NBAS: variants seen among roughly 807,000 people sequenced by gnomAD.
NBAS encodes the protein NAG/BC035112 fusion.
Under a neutral mutation model 302.5 loss-of-function variants are expected in NBAS, and 219 were observed. The ratio of observed to expected loss-of-function variants is 0.72; its 90% confidence interval spans 0.65 to 0.81. The LOEUF (loss-of-function observed/expected upper bound fraction) is 0.81. Among genes scored for constraint, NBAS ranks in the 30% least tolerant of loss-of-function variants. The probability of loss-of-function intolerance (pLI) is 0.00; values close to 1 mark genes in which losing one functional copy is unlikely to be tolerated. For synonymous variants in NBAS, 1,118 were observed against 1,021.6 expected (o/e 1.09, Z -1.80); for missense variants, 2,932 against 2,841.6 (o/e 1.03, Z -0.72).
At chr2:15,003,735 A>G in the NBAS span, among the ~76,000 whole-genome samples, 1 of 152,144 alleles carries the variant, frequency 6.6e-6, no homozygotes, top group Non-Finnish European at 1.5e-5. Context: ...AGTCATTACC[A>G]CTTTGTCACT....
intron 28 of NBAS, among the ~76,000 whole-genome samples, chr2:15,393,299 A>G (rs576981696): frequency 2.0e-5 from 3 of 152,234 alleles, no homozygotes; most frequent in East Asian, 1.9e-4. Flanking sequence ...CGCAAAGCAT[A>G]TATCTAATAA....
chr2:15,341,398 A>AAATG (rs1472287922), intron 35 of NBAS, among the ~76,000 whole-genome samples: 3 of 92,580 alleles, frequency 3.2e-5, no homozygotes, highest in African/African-American at 6.2e-5. Context: ...ATAAATAAAT[A>AAATG]AATGAATAAA....
At chr2:15,474,475 C>G in intron 14 of NBAS, 151 bp from the exon 15 acceptor site, 1 of 798,006 alleles carries the variant, frequency 1.3e-6, no homozygotes, top group Non-Finnish European at 1.9e-6. Flanking sequence ...TCAAAGGAAC[C>G]TTACAGCAAG....
At chr2:15,543,670 C>CATCAGATCTCT (rs895651896) in intron 6 of NBAS, among the ~76,000 whole-genome samples, 20 of 152,134 alleles carry the variant, frequency 1.3e-4, no homozygotes, top group African/African-American at 4.8e-4. Flanking sequence ...CCGATAAAAC[C>CATCAGATCTCT]ATCAGATCTC....
intron 51 of NBAS, among the ~76,000 whole-genome samples, chr2:15,174,130 C>T (rs1368853377): frequency 2.0e-5 from 3 of 152,112 alleles, no homozygotes; most frequent in Non-Finnish European, 2.9e-5. Flanking sequence ...CAGGTTAAAA[C>T]GATAGAAATA....
the NBAS span, among the ~76,000 whole-genome samples, chr2:14,816,453 C>T: frequency 6.6e-6 from 1 of 152,212 alleles, no homozygotes; most frequent in East Asian, 1.9e-4. Context: ...TTGTCTTCCA[C>T]AAAACCCGTC....
chr2:15,554,990 G>A (rs754182234), intron 3 of NBAS, among the ~76,000 whole-genome samples: 7 of 151,654 alleles, frequency 4.6e-5, no homozygotes, highest in Admixed American at 1.3e-4. Context: ...ATTAATACCC[G>A]AAGAAATCAA....
chr2:14,940,381 TC>T, the NBAS span, among the ~76,000 whole-genome samples: 1 of 152,100 alleles, frequency 6.6e-6, no homozygotes, highest in Non-Finnish European at 1.5e-5. Context: ...ACATGTCTGT[TC>T]CCCCTTCCCC....
intron 35 of NBAS, among the ~76,000 whole-genome samples, 164 bp downstream of exon 35, chr2:15,351,828 T>TCA (rs965664017): frequency 1.1e-4 from 17 of 151,188 alleles, no homozygotes; most frequent in South Asian, 2.1e-4. Flanking sequence ...ATGTTATATT[T>TCA]CACACACACA....
At chr2:15,283,697 G>A (rs1313806135) in intron 42 of NBAS, among the ~76,000 whole-genome samples, 1 of 151,964 alleles carries the variant, frequency 6.6e-6, no homozygotes, top group South Asian at 2.1e-4. Flanking sequence ...GAGCCACTCA[G>A]TTATACATTT....
the NBAS span, among the ~76,000 whole-genome samples, chr2:15,013,727 T>C: frequency 6.6e-6 from 1 of 152,126 alleles, no homozygotes; most frequent in Non-Finnish European, 1.5e-5. Flanking sequence ...GAGGCTGCAG[T>C]GAGCTGAGAT....
chr2:14,928,124 A>G, the NBAS span, among the ~76,000 whole-genome samples: 2 of 152,216 alleles, frequency 1.3e-5, no homozygotes, highest in African/African-American at 2.4e-5. Flanking sequence ...TCCTAATAAT[A>G]TGATGCTATT....
chr2:15,449,729 T>G (rs560309471), intron 21 of NBAS, among the ~76,000 whole-genome samples: 2 of 152,318 alleles, frequency 1.3e-5, no homozygotes, highest in Non-Finnish European at 2.9e-5. Flanking sequence ...CTGTTAGGCC[T>G]TTCTTAGCTG....
chr2:15,459,864 C>G (rs6431705), intron 21 of NBAS, among the ~76,000 whole-genome samples: 92,801 of 151,966 alleles, frequency 0.61, 29,286 homozygotes, highest in Non-Finnish European at 0.68. Context: ...TATATTCTCG[C>G]TGCTTACTGA....
the NBAS span, among the ~76,000 whole-genome samples, chr2:14,916,901 G>A: frequency 6.6e-6 from 1 of 152,298 alleles, no homozygotes; most frequent in South Asian, 2.1e-4. Flanking sequence ...CATAAGGTGG[G>A]CCAGATTGTA....
chr2:15,315,328 AG>A (rs1671459245), intron 38 of NBAS, among the ~76,000 whole-genome samples: 1 of 152,228 alleles, frequency 6.6e-6, no homozygotes, highest in Non-Finnish European at 1.5e-5. Context: ...TATTAACTGG[AG>A]GGTACACAGG....
rs1158194054 is a variant in NBAS, at chr2:15,351,907, AC to A, written c.4179+84del. 15 of 945,336 alleles carry A rather than the reference AC, an allele frequency of 1.6e-5. No homozygotes were observed. In the African/African-American group the frequency reaches 2.6e-4, roughly 16 times the overall value. The allele number at this position is 945,336 out of a possible 1,614,324, so 58.6% of individuals were successfully genotyped here. ...ACACACACACACACACACACACAAA[AC>A]CCCTCTCATCCACAAGGTTAGGTAA... On this transcript the variant is annotated intron_variant, in intron 35 of 51. Transcript: ENST00000281513.
chr2:14,821,084 G>A, the NBAS span, among the ~76,000 whole-genome samples: 2 of 152,054 alleles, frequency 1.3e-5, no homozygotes, highest in Non-Finnish European at 2.9e-5. Context: ...CCGCCACCAC[G>A]CAGGGCTAAT....
Position 15,235,470 on chromosome 2 carries a change from C to A in NBAS, c.5944-723G>T, listed in dbSNP as rs28459583. On this transcript the variant is annotated intron_variant, in intron 45 of 51. Coordinates refer to ENST00000281513, the MANE Select transcript of NBAS (RefSeq NM_015909.4). ...TTTTTTGGCATACCAAATACAGTCA[C>A]TTAATGATAATAACAGTTTCCAGAT... is the stretch of plus-strand genomic sequence containing the variant. Among the ~76,000 whole-genome samples, 589 of 152,260 alleles carry A rather than the reference C, an allele frequency of 3.9e-3. 6 individuals carry two copies. Among genetic ancestry groups the A allele is most frequent in the African/African-American group, 0.014 (564 of 41,556 alleles).
Sources: allele counts gnomAD v4.1 joint callset (sites outside exome capture counted in the v4.1 genomes callset), GRCh38; gene constraint gnomAD v4.1.1; transcripts MANE v1.5; gene names NCBI Gene and HGNC (gene_info 2026-07-23, HGNC 2026-07-21).